The following CCSER1 variants were observed in gnomAD, a reference collection of about 807,000 sequenced individuals.
The protein encoded by CCSER1 is coiled-coil serine rich protein 1.
A neutral mutation model predicts 82.0 loss-of-function variants in CCSER1; 41 were observed. That is an observed-to-expected ratio of 0.50 (90% CI 0.39 to 0.65). The LOEUF is 0.65. Among genes scored for constraint, CCSER1 ranks in the 30% least tolerant of loss-of-function variants. The pLI, the probability that CCSER1 is intolerant of heterozygous loss-of-function variation, is 0.00. For missense variants in CCSER1, 1,119 were observed against 1,064.2 expected (o/e 1.05, Z -0.72); for synonymous variants, 414 against 383.9 (o/e 1.08, Z -0.92).
intron 9 of CCSER1, among the ~76,000 whole-genome samples, chr4:90,929,277 T>C (rs769707521): frequency 6.6e-6 from 1 of 152,152 alleles, no homozygotes; most frequent in African/African-American, 2.4e-5. Flanking sequence ...TTCTAAAAAT[T>C]TATAACAAAT....
intron 6 of CCSER1, among the ~76,000 whole-genome samples, chr4:90,721,064 G>C (rs1742592128): frequency 6.6e-6 from 1 of 151,786 alleles, no homozygotes; most frequent in African/African-American, 2.4e-5. Flanking sequence ...ATATTAACCA[G>C]AATATTTATA....
At chr4:90,303,198 T>C (rs1343391778) in intron 1 of CCSER1, among the ~76,000 whole-genome samples, 1 of 152,224 alleles carries the variant, frequency 6.6e-6, no homozygotes, top group African/African-American at 2.4e-5. Flanking sequence ...AATAGATTAT[T>C]TGTGCCCAGT....
At chr4:90,601,199 A>C (rs1297188650) in intron 5 of CCSER1, among the ~76,000 whole-genome samples, 1 of 152,042 alleles carries the variant, frequency 6.6e-6, no homozygotes, top group Non-Finnish European at 1.5e-5. Context: ...GTTGAGCAGC[A>C]GTGGAAACAG....
At chr4:91,041,442 A>C (rs1741947886) in intron 9 of CCSER1, among the ~76,000 whole-genome samples, 1 of 152,190 alleles carries the variant, frequency 6.6e-6, no homozygotes, top group African/African-American at 2.4e-5. Flanking sequence ...GGGTTACATT[A>C]GAGAAAGAAA....
intron 9 of CCSER1, among the ~76,000 whole-genome samples, chr4:90,949,114 T>C (rs910151508): frequency 6.6e-6 from 1 of 152,096 alleles, no homozygotes; most frequent in African/African-American, 2.4e-5. Context: ...TGCTAACATA[T>C]TTAGTACCTC....
At chr4:91,078,095 G>C (rs1399575166) in intron 9 of CCSER1, among the ~76,000 whole-genome samples, 6 of 152,182 alleles carry the variant, frequency 3.9e-5, no homozygotes, top group South Asian at 2.1e-4. Flanking sequence ...AGAGAATAGT[G>C]GTTCTTCCAG....
chr4:90,557,808 A>G (rs1375688011), intron 5 of CCSER1, among the ~76,000 whole-genome samples: 2 of 152,130 alleles, frequency 1.3e-5, no homozygotes, highest in African/African-American at 4.8e-5. Context: ...AAAGTTTCTC[A>G]TATTACATGT....
In CCSER1 at chr4:90,138,416, T is replaced by C. The variant is rs556034478; in HGVS notation, c.-42+10585T>C. Among the ~76,000 whole-genome samples the C allele has an allele frequency of 3.9e-5, 6 of 152,346 alleles. No homozygotes were observed. In the East Asian group the frequency reaches 1.2e-3, roughly 29 times the overall value. On this transcript the variant is annotated intron_variant, in intron 1 of 10. Coordinates refer to ENST00000509176, the MANE Select transcript of CCSER1 (RefSeq NM_001145065.2). ...CTACTTCCAGTGCTAACCACTGTTC[T>C]GAATCCTACCCTAGGCTCACTTTGA...
At chr4:90,516,774 A>G (rs566645339) in intron 5 of CCSER1, among the ~76,000 whole-genome samples, 1 of 152,276 alleles carries the variant, frequency 6.6e-6, no homozygotes, top group South Asian at 2.1e-4. Flanking sequence ...CGATCATGCT[A>G]TGCCTTTAGT....
intron 9 of CCSER1, among the ~76,000 whole-genome samples, chr4:91,012,652 G>A (rs1211181117): frequency 3.3e-5 from 5 of 152,004 alleles, no homozygotes; most frequent in African/African-American, 1.2e-4. Context: ...GGGTAGAAGG[G>A]TACAAAGGCC....
rs951414793 is a variant in CCSER1, at chr4:90,642,897, T to C, written c.1932+14665T>C. 2.3e-4 allele frequency among the ~76,000 whole-genome samples: 35 copies of C among 151,260 alleles called. No individual in the cohort carries two copies. In the East Asian group the frequency reaches 4.5e-3, roughly 19 times the overall value. ...TACATACATGCATTATTTTCTGTTT[T>C]TTTTTTTTTTAAAGTAAAAGTGCTC... On this transcript the variant is annotated intron_variant, in intron 6 of 10. Coordinates refer to ENST00000509176, the MANE Select transcript of CCSER1 (RefSeq NM_001145065.2).
rs186848342 is a variant in CCSER1 at position 90,530,148 on chromosome 4, G to A, written c.1724+61794G>A. On this transcript the variant is annotated intron_variant, in intron 5 of 10. Transcript: ENST00000509176. ...GTGACAGACAACTGGACAAGAAACT[G>A]GAGATGCCAAGATGAATAGGGGTAT... Among the ~76,000 whole-genome samples the A allele has an allele frequency of 1.6e-3, 247 of 152,180 alleles. 1 individual carries two copies. Among genetic ancestry groups the A allele is most frequent in the African/African-American group, 5.8e-3 (239 of 41,532 alleles).
chr4:90,549,031 C>A (rs1777138132), intron 5 of CCSER1, among the ~76,000 whole-genome samples: 1 of 152,078 alleles, frequency 6.6e-6, no homozygotes, highest in Non-Finnish European at 1.5e-5. Flanking sequence ...ACACACTTTA[C>A]AAAGCATGAC....
intron 6 of CCSER1, among the ~76,000 whole-genome samples, chr4:90,638,739 A>G (rs1476689360): frequency 6.6e-6 from 1 of 152,112 alleles, no homozygotes; most frequent in African/African-American, 2.4e-5. Context: ...TGCTTTGTAA[A>G]CAACCCTAAT....
chr4:91,265,396 A>G (rs1189311850), intron 10 of CCSER1, among the ~76,000 whole-genome samples: 1 of 152,178 alleles, frequency 6.6e-6, no homozygotes, highest in African/African-American at 2.4e-5. Flanking sequence ...GAAGATTATC[A>G]TATAAATATA....
intron 8 of CCSER1, among the ~76,000 whole-genome samples, chr4:90,870,431 T>C (rs1157127233): frequency 6.6e-6 from 1 of 151,916 alleles, no homozygotes; most frequent in African/African-American, 2.4e-5. Flanking sequence ...TAAATTCTTT[T>C]TCCGTGTCAG....
chr4:90,441,803 C>T (rs1759922702), intron 4 of CCSER1, among the ~76,000 whole-genome samples: 1 of 152,210 alleles, frequency 6.6e-6, no homozygotes, highest in South Asian at 2.1e-4. Context: ...CAAGAAATAA[C>T]TAATCTCTGA....
chr4:90,962,335 T>C (rs934797717), intron 9 of CCSER1, among the ~76,000 whole-genome samples: 8 of 152,140 alleles, frequency 5.3e-5, no homozygotes, highest in African/African-American at 1.9e-4. Context: ...ATAGGAATGA[T>C]GGCTTTTTGC....
chr4:91,115,068 G>A lies in CCSER1; in HGVS notation c.2217+29074G>A, dbSNP rs1039576019. ...CAGTTTATTTCAAAAATTAGAAATA[G>A]TTTTAACTTCTAATATTAAATATGT... On this transcript the variant is annotated intron_variant, in intron 10 of 10. Transcript: ENST00000509176. 3.3e-5 allele frequency among the ~76,000 whole-genome samples: 5 copies of A among 152,198 alleles called. No homozygotes were observed. The East Asian group carries it at 7.7e-4, about 24-fold the overall frequency.
Sources: allele counts gnomAD v4.1 joint callset (sites outside exome capture counted in the v4.1 genomes callset), GRCh38; gene constraint gnomAD v4.1.1; transcripts MANE v1.5; gene names NCBI Gene and HGNC (gene_info 2026-07-23, HGNC 2026-07-21).